Variants in AFAP1L1 observed in about 807,000 individuals in gnomAD.
AFAP1L1 encodes actin filament associated protein 1 like 1, also known as actin filament-associated protein 1-like 1.
A neutral mutation model predicts 99.8 loss-of-function variants in AFAP1L1; 77 were observed. The ratio of observed to expected loss-of-function variants is 0.77; its 90% CI spans 0.64 to 0.93. The LOEUF (loss-of-function observed/expected upper bound fraction) is 0.93. Among genes scored for constraint, AFAP1L1 ranks in the 40% least tolerant of loss-of-function variants. The pLI is 0.00. For missense variants in AFAP1L1, 893 were observed against 996.8 expected, an observed-to-expected ratio of 0.90 and a Z score of 1.40; for synonymous variants, 373 against 395.3, an observed-to-expected ratio of 0.94 and a Z score of 0.67.
At chr5:149,330,530 T>C (rs965024510) in intron 16 of AFAP1L1, among the ~76,000 whole-genome samples, 1 of 152,182 alleles carries the variant, frequency 6.6e-6, no homozygotes, top group African/African-American at 2.4e-5. Context: ...CAGGAGCTCA[T>C]GTGGCTGCCT....
At chr5:149,321,957 G>A (rs954127364) in intron 14 of AFAP1L1, among the ~76,000 whole-genome samples, 1 of 152,158 alleles carries the variant, frequency 6.6e-6, no homozygotes, top group African/African-American at 2.4e-5. Context: ...CTTGAGTCCA[G>A]GAGGTTGAGG....
intron 9 of AFAP1L1, among the ~76,000 whole-genome samples, chr5:149,314,302 G>A (rs1184580341): frequency 2.6e-5 from 4 of 152,206 alleles, no homozygotes; most frequent in Non-Finnish European, 4.4e-5. Flanking sequence ...GTGTGTGCAC[G>A]CACTTGCCAG....
chr5:149,278,731 G>C (rs759509956), intron 1 of AFAP1L1, among the ~76,000 whole-genome samples: 42 of 152,176 alleles, frequency 2.8e-4, no homozygotes, highest in Non-Finnish European at 4.0e-4. Flanking sequence ...CCCAGTGCCT[G>C]GCCCATAGTA....
In AFAP1L1 at chr5:149,340,047, T is replaced by C. The variant is rs761236133; in HGVS notation, c.*17T>C. Reference sequence around the variant, plus strand: ...AAGACCTAGGAAGAGGATGAGGATTTCATTCCAAAGGAAATACCAGCTTGT... The same window carrying C: ...AAGACCTAGGAAGAGGATGAGGATTCCATTCCAAAGGAAATACCAGCTTGT... On this transcript the variant is annotated 3_prime_UTR_variant, in exon 19 of 19. Transcript: ENST00000296721. 2.5e-6 allele frequency: 4 copies of C among 1,613,918 alleles called. No homozygotes were observed. In the East Asian group the frequency reaches 8.9e-5, roughly 36 times the overall value.
intron 1 of AFAP1L1, among the ~76,000 whole-genome samples, chr5:149,272,380 G>A (rs530718802): frequency 6.6e-6 from 1 of 152,208 alleles, no homozygotes; most frequent in Non-Finnish European, 1.5e-5. Context: ...CTAGGGAGAA[G>A]CTCTAGGGGA....
At chr5:149,277,231 C>A (rs1755362400) in intron 1 of AFAP1L1, among the ~76,000 whole-genome samples, 1 of 152,182 alleles carries the variant, frequency 6.6e-6, no homozygotes, top group Non-Finnish European at 1.5e-5. Context: ...ACAGGAATTT[C>A]TTTTGCTGCG....
rs927764110 is a variant in AFAP1L1, at chr5:149,271,899, G to C, written c.-70G>C. ...CTGGGCTGGCCTGAGAGCGCAGCGCGCCGGCCGCTACCAGCCGCGCCGGAG... is the reference window on the plus strand; with the variant it reads ...CTGGGCTGGCCTGAGAGCGCAGCGCCCCGGCCGCTACCAGCCGCGCCGGAG... On this transcript the variant is annotated 5_prime_UTR_variant, in exon 1 of 19. Coordinates refer to ENST00000296721, the MANE Select transcript of AFAP1L1 (RefSeq NM_152406.4). 3.5e-6 allele frequency: 4 copies of C among 1,158,318 alleles called. No individual in the cohort carries two copies. The Admixed American group carries it at 1.8e-4, about 52-fold the overall frequency. 71.8% of individuals were successfully genotyped at this position (1,158,318 alleles called of 1,614,324 possible). A position where few individuals can be genotyped will look rare whatever the true frequency, so the allele number is the denominator to read the frequency against.
intron 1 of AFAP1L1, among the ~76,000 whole-genome samples, chr5:149,284,166 G>A (rs901093169): frequency 6.6e-5 from 10 of 152,212 alleles, no homozygotes; most frequent in African/African-American, 1.9e-4. Context: ...AGCAGATGGA[G>A]GTGACATGGG....
chr5:149,337,609 C>G (rs1055642919), intron 18 of AFAP1L1, among the ~76,000 whole-genome samples: 11 of 152,264 alleles, frequency 7.2e-5, no homozygotes, highest in Admixed American at 6.5e-4. Flanking sequence ...GCGGAGAAGA[C>G]TGAAGTTTAA....
At position 149,284,024 on chromosome 5, in the gene AFAP1L1, A is replaced by G. The variant is rs914179366; in HGVS notation, c.16+12040A>G. ...CATCAAAGAGAATATATAAAGGACC[A>G]GAAGTTTCAAGGGACACTTCCTAGC... On this transcript the variant is annotated intron_variant, in intron 1 of 18. Transcript: ENST00000296721. Among the ~76,000 whole-genome samples the G allele has an allele frequency of 5.2e-5, 8 of 152,386 alleles. No homozygotes were observed. The East Asian group carries it at 1.3e-3, about 26-fold the overall frequency.
rs2127607243 is a variant in AFAP1L1, at chr5:149,340,321, T to C, written c.*291T>C. On this transcript the variant is annotated 3_prime_UTR_variant, in exon 19 of 19. Coordinates refer to ENST00000296721, the MANE Select transcript of AFAP1L1 (RefSeq NM_152406.4). The stretch of plus-strand genomic sequence containing the variant: ...TAAAGGTTTTATAGATGTCTTTGCC[T>C]TCCCTTCTGAGGAAGGGAAGAAGTA... The C allele has an allele frequency of 2.9e-6, 1 of 341,246 alleles. No individual in the cohort carries two copies. Among genetic ancestry groups the C allele is most frequent in the East Asian group, 4.5e-5 (1 of 22,092 alleles). 21.1% of individuals were successfully genotyped at this position (341,246 alleles called of 1,614,324 possible).
At chr5:149,315,441 T>C (rs1659112) in intron 9 of AFAP1L1, among the ~76,000 whole-genome samples, 27,045 of 152,198 alleles carry the variant, frequency 0.18, 2,646 homozygotes, top group Middle Eastern at 0.23. Context: ...CTTGTCTGCT[T>C]TTGTCTGTCC....
Position 149,342,923 on chromosome 5 carries a change from T to A in AFAP1L1, c.*2893T>A, listed in dbSNP as rs1184450959. On this transcript the variant is annotated 3_prime_UTR_variant, in exon 19 of 19. Coordinates refer to ENST00000296721, the MANE Select transcript of AFAP1L1 (RefSeq NM_152406.4). Reference sequence around the variant, plus strand: ...AGACTCCATCTCAAAAAAAAAAAAATGCCTTATTTGGTTGTGTTTTTTCAA... The same window carrying A: ...AGACTCCATCTCAAAAAAAAAAAAAAGCCTTATTTGGTTGTGTTTTTTCAA... Among the ~76,000 whole-genome samples, 2 of 146,776 alleles carry A rather than the reference T, an allele frequency of 1.4e-5. No individual in the cohort carries two copies. The highest frequency in any genetic ancestry group is 3.0e-5 in the Non-Finnish European group (2 of 66,578).
At chr5:149,298,997 G>C (rs951185625) in intron 1 of AFAP1L1, among the ~76,000 whole-genome samples, 2 of 152,256 alleles carry the variant, frequency 1.3e-5, no homozygotes, top group African/African-American at 4.8e-5. Flanking sequence ...TTAATGTTTA[G>C]TTTGGCTGTG....
chr5:149,324,801 C>A (rs1406412572), intron 15 of AFAP1L1, among the ~76,000 whole-genome samples: 1 of 152,158 alleles, frequency 6.6e-6, no homozygotes, highest in Non-Finnish European at 1.5e-5. Context: ...CAGTTCTTTG[C>A]CATGGGGATT....
At chr5:149,310,592 T>C (rs920663982) in intron 8 of AFAP1L1, among the ~76,000 whole-genome samples, 5 of 152,218 alleles carry the variant, frequency 3.3e-5, no homozygotes, top group African/African-American at 1.2e-4. Context: ...CACCACAAAA[T>C]GAGCACTTAC....
At chr5:149,287,351 A>T (rs996979188) in intron 1 of AFAP1L1, among the ~76,000 whole-genome samples, 3 of 152,108 alleles carry the variant, frequency 2.0e-5, no homozygotes, top group Non-Finnish European at 1.5e-5. Context: ...GATGATAGTG[A>T]GATTGGGCAG....
chr5:149,326,181 T>C (rs575167638), intron 15 of AFAP1L1, among the ~76,000 whole-genome samples: 53 of 152,164 alleles, frequency 3.5e-4, no homozygotes, highest in African/African-American at 1.3e-3. Context: ...GATTTGGTGG[T>C]TATGAGAACA....
intron 7 of AFAP1L1, among the ~76,000 whole-genome samples, chr5:149,308,962 T>C (rs1756524410): frequency 6.6e-6 from 1 of 151,986 alleles, no homozygotes; most frequent in Non-Finnish European, 1.5e-5. Context: ...TGTTTTTTAA[T>C]TAGCCAGGCA....
Sources: allele counts gnomAD v4.1 joint callset (sites outside exome capture counted in the v4.1 genomes callset), GRCh38; gene constraint gnomAD v4.1.1; transcripts MANE v1.5; gene names NCBI Gene and HGNC (gene_info 2026-07-23, HGNC 2026-07-21).